BRD10: variants seen among roughly 807,000 people sequenced by gnomAD.
The protein encoded by BRD10 is bromodomain containing 10, also known as uncharacterized bromodomain-containing protein 10.
the BRD10 span, among the ~76,000 whole-genome samples, chr9:5,947,365 A>T: frequency 6.6e-6 from 1 of 152,134 alleles, no homozygotes; most frequent in African/African-American, 2.4e-5. Flanking sequence ...ACTATGAATT[A>T]TAAATCAACA....
chr9:5,899,630 T>G, the BRD10 span, among the ~76,000 whole-genome samples: 122 of 152,202 alleles, frequency 8.0e-4, no homozygotes, highest in African/African-American at 2.8e-3. Context: ...AACAGGTTAG[T>G]AGGGGAGGAC....
At chr9:5,988,879 C>A in the BRD10 span, among the ~76,000 whole-genome samples, 1 of 151,762 alleles carries the variant, frequency 6.6e-6, no homozygotes, top group Non-Finnish European at 1.5e-5. Context: ...AGAAAATGTA[C>A]AATAATACAG....
chr9:5,933,694 T>C, the BRD10 span: 1 of 444,000 alleles, frequency 2.3e-6, no homozygotes, highest in African/African-American at 2.1e-5. Context: ...TACACAATAT[T>C]GTAAAAAGAA....
At chr9:5,969,584 C>T in the BRD10 span, 1 of 633,350 alleles carries the variant, frequency 1.6e-6, no homozygotes, top group East Asian at 2.9e-5. Flanking sequence ...CGCTCTGTCC[C>T]CCAGGCTGTA....
the BRD10 span, chr9:5,945,027 A>G: frequency 2.8e-6 from 2 of 716,840 alleles, no homozygotes; most frequent in Non-Finnish European, 4.5e-6. Flanking sequence ...GTGGTAACAG[A>G]AGTTGTTTTA....
the BRD10 span, among the ~76,000 whole-genome samples, chr9:5,915,829 G>A: frequency 6.6e-6 from 1 of 152,272 alleles, no homozygotes; most frequent in South Asian, 2.1e-4. Context: ...TGGTTCTCAA[G>A]AAGTGCGTAG....
the BRD10 span, among the ~76,000 whole-genome samples, chr9:5,987,036 A>T: frequency 4.6e-5 from 7 of 152,152 alleles, no homozygotes; most frequent in African/African-American, 1.7e-4. Context: ...TCCAATCTTG[A>T]GTTCACTACT....
the BRD10 span, chr9:5,920,233 G>A: frequency 1.2e-6 from 2 of 1,613,730 alleles, no homozygotes; most frequent in African/African-American, 2.7e-5. Context: ...GAACTAAGGG[G>A]GCTCCATATT....
At chr9:5,960,467 C>T in the BRD10 span, among the ~76,000 whole-genome samples, 1 of 151,046 alleles carries the variant, frequency 6.6e-6, no homozygotes, top group Non-Finnish European at 1.5e-5. Flanking sequence ...GAGGCTGAGG[C>T]AGGAGAATTG....
At chr9:5,896,947 C>T in the BRD10 span, among the ~76,000 whole-genome samples, 5 of 152,302 alleles carry the variant, frequency 3.3e-5, no homozygotes, top group African/African-American at 9.6e-5. Context: ...AGGGAGGGCA[C>T]GAACATAATT....
At chr9:5,995,981 G>T in the BRD10 span, among the ~76,000 whole-genome samples, 1 of 152,192 alleles carries the variant, frequency 6.6e-6, no homozygotes, top group East Asian at 1.9e-4. Flanking sequence ...CAGGAAAACT[G>T]GGAAGGAGAT....
chr9:5,900,028 T>C, the BRD10 span, among the ~76,000 whole-genome samples: 1 of 152,222 alleles, frequency 6.6e-6, no homozygotes, highest in East Asian at 1.9e-4. Context: ...TATTTGTATA[T>C]CAAAAACAAA....
At chr9:5,952,059 T>G in the BRD10 span, among the ~76,000 whole-genome samples, 1 of 148,582 alleles carries the variant, frequency 6.7e-6, no homozygotes, top group African/African-American at 2.5e-5. Context: ...TTTCCCTCAT[T>G]GCCCAGCCTG....
chr9:5,967,259 C>G, the BRD10 span, among the ~76,000 whole-genome samples: 1 of 152,038 alleles, frequency 6.6e-6, no homozygotes, highest in Non-Finnish European at 1.5e-5. Context: ...TTTTATCTCA[C>G]TTATGTGCTT....
At chr9:5,920,465 G>A in the BRD10 span, 1 of 1,614,018 alleles carries the variant, frequency 6.2e-7, no homozygotes, top group African/African-American at 1.3e-5. Context: ...GCCACCTGGA[G>A]CAGAACTGTA....
chr9:5,967,915 A>T, the BRD10 span: 1 of 699,262 alleles, frequency 1.4e-6, no homozygotes, highest in Non-Finnish European at 2.4e-6. Context: ...ACGCATGCAT[A>T]CATGTGCATT....
chr9:5,947,219 A>G, the BRD10 span, among the ~76,000 whole-genome samples: 1 of 152,164 alleles, frequency 6.6e-6, no homozygotes, highest in African/African-American at 2.4e-5. Context: ...TTTAATGTGC[A>G]TAAGAATTGC....
At chr9:5,991,251 T>A in the BRD10 span, among the ~76,000 whole-genome samples, 1 of 152,116 alleles carries the variant, frequency 6.6e-6, no homozygotes, top group African/African-American at 2.4e-5. Context: ...TTAGTTTTCA[T>A]ATGATATGTA....
At chr9:5,979,770 C>G in the BRD10 span, among the ~76,000 whole-genome samples, 2 of 151,760 alleles carry the variant, frequency 1.3e-5, no homozygotes, top group Non-Finnish European at 2.9e-5. Flanking sequence ...AATTCCAGCA[C>G]TTTGGGAGGC....
Sources: allele counts gnomAD v4.1 joint callset (sites outside exome capture counted in the v4.1 genomes callset), GRCh38; gene constraint gnomAD v4.1.1; transcripts MANE v1.5; gene names NCBI Gene and HGNC (gene_info 2026-07-23, HGNC 2026-07-21).